DCAF1: variants seen among roughly 807,000 people sequenced by gnomAD.
The protein encoded by DCAF1 is DDB1 and CUL4 associated factor 1.
A neutral mutation model predicts 128.0 loss-of-function variants in DCAF1; 15 were observed. The observed-to-expected ratio is 0.12, with a 90% CI of 0.08 to 0.18. DCAF1 has a LOEUF of 0.18. Among genes scored for constraint, DCAF1 ranks in the 10% least tolerant of loss-of-function variants. The pLI, the probability that DCAF1 is intolerant of heterozygous loss-of-function variation, is 1.00. For missense variants in DCAF1, 988 were observed against 1,649.5 expected, an observed-to-expected ratio of 0.60 and a Z score of 6.95; for synonymous variants, 610 against 603.0, an observed-to-expected ratio of 1.01 and a Z score of -0.17.
chr3:51,430,882 C>G (rs551736126), intron 10 of DCAF1, among the ~76,000 whole-genome samples: 2 of 152,212 alleles, frequency 1.3e-5, no homozygotes, highest in East Asian at 3.9e-4. Flanking sequence ...GAAAAGACAC[C>G]AAATAAGAAT....
chr3:51,464,982 G>C (rs1006268213), intron 5 of DCAF1, among the ~76,000 whole-genome samples: 1 of 152,162 alleles, frequency 6.6e-6, no homozygotes, highest in Non-Finnish European at 1.5e-5. Flanking sequence ...GAAGGTAATA[G>C]AAAGCCATTA....
At chr3:51,450,173 C>T (rs939749196) in intron 6 of DCAF1, among the ~76,000 whole-genome samples, 1 of 152,134 alleles carries the variant, frequency 6.6e-6, no homozygotes, top group Non-Finnish European at 1.5e-5. Context: ...AAACCAGACC[C>T]ATCTCTTTAA....
intron 24 of DCAF1, among the ~76,000 whole-genome samples, chr3:51,402,566 A>ATTTT (rs540396047): frequency 0.049 from 4,183 of 85,006 alleles, 560 homozygotes; most frequent in Non-Finnish European, 0.051. Flanking sequence ...CCTACAAAGC[A>ATTTT]TTTTTTTTTT....
intron 6 of DCAF1, among the ~76,000 whole-genome samples, chr3:51,451,069 CTTTTTTTTTTTTTTTTTTTTTTT>C (rs1167474829): frequency 3.0e-4 from 8 of 27,110 alleles, no homozygotes; most frequent in African/African-American, 7.8e-4. Flanking sequence ...AAAGGAAATT[CTTTTTTTTTTTTTTTTTTTTTTT>C]TTTTTTTTTT....
chr3:51,445,729 G>C (rs1351622663), intron 6 of DCAF1, among the ~76,000 whole-genome samples: 2 of 152,100 alleles, frequency 1.3e-5, no homozygotes, highest in Non-Finnish European at 2.9e-5. Flanking sequence ...AACTTTACTA[G>C]ATGAGGCCAA....
chr3:51,488,598 T>G (rs1553656528), intron 2 of DCAF1, among the ~76,000 whole-genome samples: 1 of 152,064 alleles, frequency 6.6e-6, no homozygotes, highest in Non-Finnish European at 1.5e-5. Flanking sequence ...AGGTCAGGGG[T>G]TCCAGACTAC....
rs142651031 is a variant in DCAF1 at position 51,452,547 on chromosome 3, G to A, written c.376-8644C>T. 1.7e-3 allele frequency among the ~76,000 whole-genome samples: 252 copies of A among 152,192 alleles called. 2 individuals carry two copies. Among genetic ancestry groups the A allele is most frequent in the African/African-American group, 5.8e-3 (240 of 41,528 alleles). Reference sequence around the variant, plus strand: ...CCCAATAAACCATTAATTAGGAAACGATAAAATTGTTCTTGCAGAAAGCTT... The same window carrying A: ...CCCAATAAACCATTAATTAGGAAACAATAAAATTGTTCTTGCAGAAAGCTT... On this transcript the variant is annotated intron_variant, in intron 6 of 24. Coordinates refer to ENST00000684031, the MANE Select transcript of DCAF1 (RefSeq NM_001387579.1).
chr3:51,482,415 G>A (rs542097603), intron 3 of DCAF1, among the ~76,000 whole-genome samples: 60 of 150,930 alleles, frequency 4.0e-4, no homozygotes, highest in Middle Eastern at 3.4e-3. Flanking sequence ...ACTACAGCCT[G>A]GTGACAGAGT....
At chr3:51,481,135 C>G (rs1706142186) in intron 3 of DCAF1, among the ~76,000 whole-genome samples, 1 of 152,100 alleles carries the variant, frequency 6.6e-6, no homozygotes, top group Non-Finnish European at 1.5e-5. Context: ...TGATTTCTTA[C>G]TTTTTACAGC....
At chr3:51,413,090 T>C (rs782692557) in intron 21 of DCAF1, 24 bp from the exon 22 acceptor site, 31 of 1,613,458 alleles carry the variant, frequency 1.9e-5, no homozygotes, top group African/African-American at 5.3e-5. Flanking sequence ...TGTGAGAAGA[T>C]TGGGATTGGA....
At chr3:51,473,826 T>G (rs1334535675) in intron 3 of DCAF1, among the ~76,000 whole-genome samples, 1 of 150,726 alleles carries the variant, frequency 6.6e-6, no homozygotes, top group Non-Finnish European at 1.5e-5. Context: ...TTTTTTGAGA[T>G]GGAGTCTCGC....
chr3:51,449,788 T>C (rs1702186367), intron 6 of DCAF1, among the ~76,000 whole-genome samples: 1 of 152,046 alleles, frequency 6.6e-6, no homozygotes, highest in Non-Finnish European at 1.5e-5. Context: ...CTCACATTAC[T>C]AGCAACAGAA....
intron 11 of DCAF1, 38 bp downstream of exon 11, chr3:51,429,995 C>T: frequency 1.3e-6 from 1 of 774,520 alleles, no homozygotes; most frequent in Non-Finnish European, 2.4e-6. Context: ...CAACCAGGAC[C>T]CTCAATCCTA....
At chr3:51,424,010 G>A (rs1179616845) in intron 13 of DCAF1, among the ~76,000 whole-genome samples, 5 of 151,952 alleles carry the variant, frequency 3.3e-5, no homozygotes, top group African/African-American at 1.2e-4. Flanking sequence ...AAGAATGAGG[G>A]AAAGGGTTCA....
chr3:51,410,256 C>G (rs183328808), intron 23 of DCAF1, among the ~76,000 whole-genome samples: 9 of 152,348 alleles, frequency 5.9e-5, no homozygotes, highest in Admixed American at 3.9e-4. Context: ...TGCTCAGAAG[C>G]CCATTTCTGC....
chr3:51,428,812 T>C (rs539180655), intron 12 of DCAF1, among the ~76,000 whole-genome samples: 29 of 151,822 alleles, frequency 1.9e-4, no homozygotes, highest in Non-Finnish European at 3.8e-4. Context: ...CAGGACAACA[T>C]AGTGAGACCC....
chr3:51,500,094 AGAG>A (rs1708707310), upstream of DCAF1: 1 of 124,240 alleles, frequency 8.0e-6, no homozygotes, highest in African/African-American at 3.0e-5. Context: ...AGGGGCGGGA[AGAG>A]AACGCCTGCA....
At chr3:51,400,264 G>C (rs1553624454) in intron 24 of DCAF1, among the ~76,000 whole-genome samples, 1 of 152,208 alleles carries the variant, frequency 6.6e-6, no homozygotes, top group Non-Finnish European at 1.5e-5. Context: ...CCAGGAGGAA[G>C]TGTCACAGGA....
rs1559500837 is a variant in DCAF1, at chr3:51,429,341, C to A, written c.1597G>T (p.Ala533Ser). 1.3e-6 allele frequency: 1 copy of A among 780,852 alleles called. No homozygotes were observed. The highest frequency in any genetic ancestry group is 2.4e-6 in the Non-Finnish European group (1 of 417,988). 48.4% of individuals were successfully genotyped at this position (780,852 alleles called of 1,614,324 possible). A position where few individuals can be genotyped will look rare whatever the true frequency, so the allele number is the denominator to read the frequency against. The change falls in exon 12 of 25, where the codon GCC becomes TCC. Residue 533 changes from alanine to serine, a missense_variant. By Grantham distance (99) the Ala-to-Ser change is moderately conservative (BLOSUM62 1). Coordinates refer to ENST00000684031, the MANE Select transcript of DCAF1 (RefSeq NM_001387579.1). ...TGCTTCACTTGTTCCAATTTAATGG[C>A]CAGGTGAGCCTCAAAGTATTTGCGC... ...ALRKYFEAHL[A>S]IKLEQVKQSL...
Sources: allele counts gnomAD v4.1 joint callset (sites outside exome capture counted in the v4.1 genomes callset), GRCh38; gene constraint gnomAD v4.1.1; transcripts MANE v1.5; gene names NCBI Gene and HGNC (gene_info 2026-07-23, HGNC 2026-07-21).